Variants in XIRP2 observed in about 807,000 individuals in gnomAD.
XIRP2 encodes the protein xin actin binding repeat containing 2.
XIRP2 carries 236 observed loss-of-function variants against 277.0 expected under a neutral mutation model. That is an observed-to-expected ratio of 0.85 (90% CI 0.77 to 0.95). The LOEUF is 0.95. XIRP2 is among the 40% of genes least tolerant of loss of function. XIRP2 has a pLI of 0.00. For missense variants in XIRP2, 4,640 were observed against 4,157.5 expected (o/e 1.12, Z -3.19); for synonymous variants, 1,490 against 1,416.5 (o/e 1.05, Z -1.17).
At chr2:167,199,422 G>A (rs1201101944) in intron 3 of XIRP2, among the ~76,000 whole-genome samples, 1 of 152,152 alleles carries the variant, frequency 6.6e-6, no homozygotes, top group Non-Finnish European at 1.5e-5. Context: ...AATGCCAACA[G>A]CATACTTGGA....
At chr2:167,084,760 T>G (rs1318433416) in intron 2 of XIRP2, among the ~76,000 whole-genome samples, 1 of 150,262 alleles carries the variant, frequency 6.7e-6, no homozygotes, top group Non-Finnish European at 1.5e-5. Flanking sequence ...TGATGGTAGT[T>G]TGTATTTCTG....
At chr2:166,958,060 A>C (rs576309222) in intron 2 of XIRP2, among the ~76,000 whole-genome samples, 1 of 151,974 alleles carries the variant, frequency 6.6e-6, no homozygotes, top group East Asian at 2.0e-4. Context: ...TTGGAATCTA[A>C]GAGTGGTTTA....
At chr2:166,967,265 T>G (rs1396500585) in intron 2 of XIRP2, among the ~76,000 whole-genome samples, 1 of 151,924 alleles carries the variant, frequency 6.6e-6, no homozygotes, top group African/African-American at 2.4e-5. Context: ...AAAGTCAAAA[T>G]ATCCCTAGGT....
At chr2:167,137,419 A>T (rs964367605) in intron 3 of XIRP2, among the ~76,000 whole-genome samples, 2 of 152,216 alleles carry the variant, frequency 1.3e-5, no homozygotes, top group East Asian at 3.8e-4. Flanking sequence ...AGATTAGCAG[A>T]GGCCAAGGAA....
At chr2:167,004,019 C>A (rs1014187301) in intron 2 of XIRP2, among the ~76,000 whole-genome samples, 3 of 151,800 alleles carry the variant, frequency 2.0e-5, no homozygotes, top group African/African-American at 7.2e-5. Flanking sequence ...GAAATAATTT[C>A]ATTGTCATTT....
intron 2 of XIRP2, among the ~76,000 whole-genome samples, chr2:167,090,288 C>G (rs763502881): frequency 6.6e-6 from 1 of 152,088 alleles, no homozygotes; most frequent in Non-Finnish European, 1.5e-5. Context: ...ATACCCCACT[C>G]ACAACTGATA....
At chr2:166,907,083 A>T (rs1337854362) in intron 2 of XIRP2, among the ~76,000 whole-genome samples, 29 of 152,192 alleles carry the variant, frequency 1.9e-4, no homozygotes, top group Admixed American at 1.9e-3. Context: ...TTCATTTTAT[A>T]ATTTTCCAAA....
At chr2:167,055,151 C>T (rs749827424) in intron 2 of XIRP2, among the ~76,000 whole-genome samples, 9 of 152,150 alleles carry the variant, frequency 5.9e-5, no homozygotes, top group Non-Finnish European at 1.0e-4. Flanking sequence ...CTCTTTTTAT[C>T]GTACCTTAGT....
intron 3 of XIRP2, among the ~76,000 whole-genome samples, chr2:167,143,091 A>G (rs903933178): frequency 4.6e-5 from 7 of 152,218 alleles, no homozygotes; most frequent in Non-Finnish European, 8.8e-5. Context: ...TTTCGGTATC[A>G]GAGGCGAACA....
chr2:166,977,481 T>C (rs968771351), intron 2 of XIRP2, among the ~76,000 whole-genome samples: 13 of 152,192 alleles, frequency 8.5e-5, no homozygotes, highest in African/African-American at 3.1e-4. Flanking sequence ...ATATCCATCA[T>C]ATCAATTGTA....
Position 167,252,030 on chromosome 2 carries a change from G to C in XIRP2, c.10555+83G>C, listed in dbSNP as rs1450446884. 2.7e-6 allele frequency: 4 copies of C among 1,492,402 alleles called. No individual in the cohort carries two copies. In the African/African-American group the frequency reaches 4.2e-5, roughly 16 times the overall value. The allele number at this position is 1,492,402 out of a possible 1,614,324, so 92.4% of individuals were successfully genotyped here. The stretch of plus-strand genomic sequence containing the variant: ...AGCCAAAATGATGTACAGTTAAAAA[G>C]AGTGCGTGGAAACAACCAAACAATA... On this transcript the variant is annotated intron_variant, in intron 9 of 10. Transcript: ENST00000409195.
At chr2:166,986,568 C>T (rs1687012010) in intron 2 of XIRP2, among the ~76,000 whole-genome samples, 1 of 152,208 alleles carries the variant, frequency 6.6e-6, no homozygotes, top group South Asian at 2.1e-4. Context: ...CTGCCTTTAG[C>T]ACCTGCTTTC....
intron 2 of XIRP2, among the ~76,000 whole-genome samples, chr2:167,101,388 T>C (rs947182313): frequency 6.6e-6 from 1 of 152,210 alleles, no homozygotes; most frequent in Non-Finnish European, 1.5e-5. Context: ...AGTGCTTTAG[T>C]GGTGATTTGT....
intron 5 of XIRP2, among the ~76,000 whole-genome samples, chr2:167,225,956 A>G (rs761818845): frequency 1.8e-4 from 27 of 152,316 alleles, no homozygotes; most frequent in Admixed American, 9.8e-4. Flanking sequence ...TGCTAAATAG[A>G]GCAAAATAGC....
In XIRP2 at chr2:167,251,888, C is replaced by T. The variant is rs1459405221; in HGVS notation, c.10496C>T (p.Ala3499Val). The change falls in exon 9 of 11, where the codon GCA becomes GTA. Residue 3499 changes from alanine (A) to valine (V), a missense_variant. Coordinates refer to ENST00000409195, the MANE Select transcript of XIRP2 (RefSeq NM_152381.6). Reference sequence around the variant, plus strand: ...TTTAAAGGCCTGGGATATGCAACCGCAGATGCTTCTGCAACTGAGATGAGA... The same window carrying T: ...TTTAAAGGCCTGGGATATGCAACCGTAGATGCTTCTGCAACTGAGATGAGA... ...RVFKGLGYAT[A>V]DASATEMRTT... 1.3e-6 allele frequency: 2 copies of T among 1,599,910 alleles called. No homozygotes were observed. Among genetic ancestry groups the T allele is most frequent in the South Asian group, 1.1e-5 (1 of 88,046 alleles).
chr2:166,935,647 T>C (rs764560263), intron 2 of XIRP2, among the ~76,000 whole-genome samples: 18 of 152,090 alleles, frequency 1.2e-4, no homozygotes, highest in Non-Finnish European at 2.1e-4. Flanking sequence ...CCACCTATGA[T>C]TGAGAACATA....
intron 2 of XIRP2, among the ~76,000 whole-genome samples, chr2:167,011,397 C>T (rs1206581686): frequency 3.3e-5 from 5 of 150,710 alleles, no homozygotes; most frequent in South Asian, 4.2e-4. Context: ...TATATTGAAC[C>T]AGCCTTGCAT....
intron 2 of XIRP2, among the ~76,000 whole-genome samples, chr2:167,101,106 C>G (rs1690474938): frequency 2.6e-5 from 4 of 152,030 alleles, no homozygotes; most frequent in Admixed American, 2.6e-4. Flanking sequence ...TCCCTGTATT[C>G]TAATTCTAAA....
intron 2 of XIRP2, among the ~76,000 whole-genome samples, chr2:167,068,940 T>C (rs1689372082): frequency 6.6e-6 from 1 of 152,196 alleles, no homozygotes; most frequent in Admixed American, 6.5e-5. Context: ...AGCCAAAAGA[T>C]TGGACACCTC....
Sources: gnomAD v4.1 joint callset for allele counts (sites outside exome capture counted in the v4.1 genomes callset) on GRCh38, gnomAD v4.1.1 for gene constraint, MANE v1.5 for transcripts, NCBI Gene and HGNC (gene_info 2026-07-23, HGNC 2026-07-21) for gene names.